Variants in WNT3 observed in about 807,000 individuals in gnomAD.
The protein encoded by WNT3 is proto-oncogene Wnt-3.
Under a neutral mutation model 34.2 loss-of-function variants are expected in WNT3, and 7 were observed. The observed-to-expected ratio is 0.20, with a 90% CI of 0.12 to 0.38. WNT3 has a LOEUF of 0.38. Among genes scored for constraint, WNT3 ranks in the 10% least tolerant of loss-of-function variants. WNT3 has a pLI of 1.00. For missense variants in WNT3, 267 were observed against 499.8 expected, an observed-to-expected ratio of 0.53 and a Z score of 4.44; for synonymous variants, 212 against 211.5, an observed-to-expected ratio of 1.00 and a Z score of -0.02.
At position 46,762,861 on chromosome 17, in the gene WNT3, T is replaced by G. The variant is rs1466458052; in HGVS notation, c.*1769A>C. On this transcript the variant is annotated 3_prime_UTR_variant, in exon 5 of 5. Transcript: ENST00000225512. ...GCCCCAGAAACATGACTTTATCACT[T>G]TTAATATAGAATACATAGATATGAA... The G allele has an allele frequency of 1.3e-5, 2 of 152,130 alleles. No homozygotes were observed. Among genetic ancestry groups the G allele is most frequent in the African/African-American group, 4.8e-5 (2 of 41,410 alleles). The allele number at this position is 152,130 out of a possible 1,614,324, so 9.4% of individuals were successfully genotyped here.
At chr17:46,809,392 C>T (rs2084240894) in intron 1 of WNT3, among the ~76,000 whole-genome samples, 1 of 152,232 alleles carries the variant, frequency 6.6e-6, no homozygotes, top group Non-Finnish European at 1.5e-5. Flanking sequence ...AAGTGGGACT[C>T]TGTGCCCAGG....
chr17:46,782,632 G>A (rs1255671405), intron 1 of WNT3, among the ~76,000 whole-genome samples: 2 of 152,244 alleles, frequency 1.3e-5, no homozygotes, highest in Admixed American at 1.3e-4. Flanking sequence ...AGGAAGCCTA[G>A]CCAGTTCAGG....
chr17:46,813,713 T>G (rs892390019), intron 1 of WNT3, among the ~76,000 whole-genome samples: 1 of 152,182 alleles, frequency 6.6e-6, no homozygotes, highest in African/African-American at 2.4e-5. Context: ...TCACCTTTCC[T>G]GTGCCATCCC....
intron 1 of WNT3, among the ~76,000 whole-genome samples, chr17:46,786,941 C>CTTTT (rs566280448): frequency 8.1e-4 from 115 of 142,678 alleles, no homozygotes; most frequent in African/African-American, 3.0e-3. Flanking sequence ...TTTCTTTTTT[C>CTTTT]TTTTTTTTTT....
intron 1 of WNT3, among the ~76,000 whole-genome samples, chr17:46,796,129 C>T (rs1248300426): frequency 6.6e-6 from 1 of 152,202 alleles, no homozygotes; most frequent in Non-Finnish European, 1.5e-5. Context: ...CAATCCTGAT[C>T]TTATTGCTAC....
chr17:46,803,174 A>G (rs1447639533), intron 1 of WNT3, among the ~76,000 whole-genome samples: 1 of 152,246 alleles, frequency 6.6e-6, no homozygotes, highest in Non-Finnish European at 1.5e-5. Context: ...AGTCTTCTGT[A>G]CCAATTATTG....
intron 2 of WNT3, among the ~76,000 whole-genome samples, chr17:46,770,631 C>G (rs1374469238): frequency 1.3e-5 from 2 of 152,206 alleles, no homozygotes; most frequent in Non-Finnish European, 2.9e-5. Flanking sequence ...GAGCCCCTCA[C>G]CAGGAGGGCA....
intron 1 of WNT3, among the ~76,000 whole-genome samples, chr17:46,784,197 C>T (rs910546220): frequency 4.6e-5 from 7 of 152,084 alleles, no homozygotes; most frequent in Admixed American, 2.6e-4. Context: ...CCATGAGAAA[C>T]AGGAGGAAGG....
intron 1 of WNT3, among the ~76,000 whole-genome samples, chr17:46,790,947 C>G (rs1187290859): frequency 4.6e-5 from 7 of 152,204 alleles, no homozygotes; most frequent in African/African-American, 1.7e-4. Context: ...CATCTGGAAC[C>G]CCCTGCCCAG....
chr17:46,789,249 T>C (rs2083948202), intron 1 of WNT3, among the ~76,000 whole-genome samples: 2 of 152,326 alleles, frequency 1.3e-5, no homozygotes, highest in Admixed American at 1.3e-4. Flanking sequence ...CCACCAGGGC[T>C]GGCACCTACC....
At chr17:46,792,826 A>G (rs976144130) in intron 1 of WNT3, among the ~76,000 whole-genome samples, 6 of 152,220 alleles carry the variant, frequency 3.9e-5, no homozygotes, top group African/African-American at 9.6e-5. Flanking sequence ...ACTATGTGCC[A>G]GTTGCCATGT....
rs539694212 is a variant in WNT3 at position 46,779,896 on chromosome 17, T to G, written c.81-5987A>C. Among the ~76,000 whole-genome samples, 294 of 152,228 alleles carry G rather than the reference T, an allele frequency of 1.9e-3. 1 individual carries two copies. The highest frequency in any genetic ancestry group is 6.6e-3 in the African/African-American group (272 of 41,522). The stretch of plus-strand genomic sequence containing the variant: ...GCCTCGGCCTCTCAAGTAGCTGGGA[T>G]AAGAGGCATGCGTCACCATGCCCAG... On this transcript the variant is annotated intron_variant, in intron 1 of 4. Coordinates refer to ENST00000225512, the MANE Select transcript of WNT3 (RefSeq NM_030753.5).
chr17:46,777,025 G>GAGC (rs1384791047), intron 1 of WNT3, among the ~76,000 whole-genome samples: 2 of 152,106 alleles, frequency 1.3e-5, no homozygotes, highest in Admixed American at 1.3e-4. Context: ...AGCCCTAAGG[G>GAGC]AGCACAAAGC....
At chr17:46,801,455 A>C (rs1252141145) in intron 1 of WNT3, among the ~76,000 whole-genome samples, 2 of 137,622 alleles carry the variant, frequency 1.5e-5, no homozygotes, top group Admixed American at 1.4e-4. Flanking sequence ...CCCCATCTCT[A>C]CTAAAAATAG....
chr17:46,799,104 T>C (rs1401964631), intron 1 of WNT3, among the ~76,000 whole-genome samples: 1 of 151,504 alleles, frequency 6.6e-6, no homozygotes, highest in Admixed American at 6.6e-5. Flanking sequence ...CACCCTTCCC[T>C]TCCTGAGAAC....
rs1157436590 is a variant in WNT3 at position 46,764,464 on chromosome 17, C to G, written c.*166G>C. The G allele has an allele frequency of 2.6e-5, 4 of 152,364 alleles. No homozygotes were observed. Among genetic ancestry groups the G allele is most frequent in the African/African-American group, 4.8e-5 (2 of 41,436 alleles). 9.4% of individuals were successfully genotyped at this position (152,364 alleles called of 1,614,324 possible). A position where few individuals can be genotyped will look rare whatever the true frequency, so the allele number is the denominator to read the frequency against. ...AGATGAGAGAGAGGGAGAGCCTCCC[C>G]GTCCACAGGCGAGTTGGGTCTGGGT... On this transcript the variant is annotated 3_prime_UTR_variant, in exon 5 of 5. Coordinates refer to ENST00000225512, the MANE Select transcript of WNT3 (RefSeq NM_030753.5).
At chr17:46,808,198 C>T (rs890180885) in intron 1 of WNT3, among the ~76,000 whole-genome samples, 2 of 152,196 alleles carry the variant, frequency 1.3e-5, no homozygotes, top group Non-Finnish European at 2.9e-5. Flanking sequence ...CGCCCCTTAC[C>T]CATCCCAGGG....
chr17:46,771,806 T>C (rs2059374757), intron 2 of WNT3, among the ~76,000 whole-genome samples: 1 of 139,600 alleles, frequency 7.2e-6, no homozygotes, highest in African/African-American at 2.6e-5. Context: ...AGAGGGCGTG[T>C]GAATGGCGCG....
intron 4 of WNT3, among the ~76,000 whole-genome samples, chr17:46,765,295 G>A (rs1052940127): frequency 1.3e-5 from 2 of 152,198 alleles, no homozygotes; most frequent in Admixed American, 6.5e-5. Flanking sequence ...GGACTTGGGC[G>A]CAGCCAGGCC....
Sources: gnomAD v4.1 joint callset for allele counts (sites outside exome capture counted in the v4.1 genomes callset) on GRCh38, gnomAD v4.1.1 for gene constraint, MANE v1.5 for transcripts, NCBI Gene and HGNC (gene_info 2026-07-23, HGNC 2026-07-21) for gene names.